SEMA3A: variants seen among roughly 807,000 people sequenced by gnomAD.
SEMA3A encodes semaphorin 3A, also known as semaphorin-3A.
SEMA3A carries 29 observed loss-of-function variants against 97.9 expected under a neutral mutation model. The ratio of observed to expected loss-of-function variants is 0.30; its 90% CI spans 0.22 to 0.40. SEMA3A has a LOEUF of 0.40. SEMA3A is among the 10% of genes least tolerant of loss of function. The pLI is 1.00. For missense variants in SEMA3A, 763 were observed against 951.3 expected (o/e 0.80, Z 2.60); for synonymous variants, 321 against 323.7 (o/e 0.99, Z 0.09).
chr7:84,065,006 C>G (rs1380223722), intron 4 of SEMA3A, among the ~76,000 whole-genome samples: 1 of 152,030 alleles, frequency 6.6e-6, no homozygotes, highest in Non-Finnish European at 1.5e-5. Flanking sequence ...CAAAATTGAC[C>G]ACATACTTGG....
At chr7:84,222,119 C>T (rs1798896827) in intron 3 of SEMA3A, among the ~76,000 whole-genome samples, 1 of 151,952 alleles carries the variant, frequency 6.6e-6, no homozygotes, top group African/African-American at 2.4e-5. Context: ...GATAGCAAGA[C>T]ATATGCCAAG....
At chr7:84,268,156 T>A (rs771842041) in intron 3 of SEMA3A, among the ~76,000 whole-genome samples, 23 of 152,016 alleles carry the variant, frequency 1.5e-4, no homozygotes, top group Non-Finnish European at 1.6e-4. Context: ...ACAATGGATA[T>A]GGTACCTTTT....
At chr7:84,047,422 A>C (rs550350800) in intron 5 of SEMA3A, among the ~76,000 whole-genome samples, 1 of 152,158 alleles carries the variant, frequency 6.6e-6, no homozygotes, top group Non-Finnish European at 1.5e-5. Flanking sequence ...TTTACAGTTC[A>C]AGAAATTCAA....
chr7:84,337,561 A>G (rs1802067420), intron 2 of SEMA3A, among the ~76,000 whole-genome samples: 1 of 152,164 alleles, frequency 6.6e-6, no homozygotes, highest in African/African-American at 2.4e-5. Context: ...GCATTGAGTC[A>G]TAATTAGCTC....
intron 2 of SEMA3A, among the ~76,000 whole-genome samples, chr7:84,312,872 TTATA>T (rs377261705): frequency 0.043 from 2,076 of 48,232 alleles, 53 homozygotes; most frequent in Admixed American, 0.051. Flanking sequence ...TGGTGTTGTT[TTATA>T]TATATATATA....
intron 1 of SEMA3A, among the ~76,000 whole-genome samples, chr7:84,475,516 C>T (rs972462089): frequency 2.6e-5 from 4 of 152,146 alleles, no homozygotes; most frequent in East Asian, 3.9e-4. Context: ...ACGTTTTACA[C>T]GCTCACCTAA....
At chr7:84,022,398 C>G (rs1791361943) in intron 6 of SEMA3A, among the ~76,000 whole-genome samples, 1 of 152,138 alleles carries the variant, frequency 6.6e-6, no homozygotes, top group South Asian at 2.1e-4. Context: ...TCTTTTTAAA[C>G]CTGTGTCCTG....
At chr7:84,002,843 TAA>T (rs1790516957) in intron 11 of SEMA3A, among the ~76,000 whole-genome samples, 1 of 152,198 alleles carries the variant, frequency 6.6e-6, no homozygotes, top group Non-Finnish European at 1.5e-5. Context: ...TTTGCATTGT[TAA>T]AAGAGACAAC....
chr7:84,280,979 T>C (rs1452612708), intron 3 of SEMA3A, among the ~76,000 whole-genome samples: 3 of 152,270 alleles, frequency 2.0e-5, no homozygotes, highest in Non-Finnish European at 4.4e-5. Flanking sequence ...TTATAAACGA[T>C]ATACTTCTTT....
chr7:84,216,284 T>G (rs1291004452), intron 3 of SEMA3A, among the ~76,000 whole-genome samples: 4 of 152,070 alleles, frequency 2.6e-5, no homozygotes, highest in Non-Finnish European at 5.9e-5. Context: ...TTTTTGTATT[T>G]TTAGTAGAGA....
chr7:84,340,224 C>T lies in SEMA3A; in HGVS notation c.-169+31600G>A, dbSNP rs189739585. ...CTTAAGAGGAAATTTGAGAAGGTGA[C>T]ATTTTCCTGGGTAGATTTTAAAATA... On this transcript the variant is annotated intron_variant, in intron 2 of 3. Coordinates refer to the SEMA3A transcript ENST00000424555. Among the ~76,000 whole-genome samples, 240 of 152,156 alleles carry T rather than the reference C, an allele frequency of 1.6e-3. 2 individuals are homozygous for T. Among genetic ancestry groups the T allele is most frequent in the African/African-American group, 5.4e-3 (225 of 41,526 alleles).
At chr7:84,084,379 T>G (rs1364619041) in intron 4 of SEMA3A, among the ~76,000 whole-genome samples, 1 of 151,994 alleles carries the variant, frequency 6.6e-6, no homozygotes, top group Non-Finnish European at 1.5e-5. Flanking sequence ...TTACGAAATA[T>G]AGCAGGGGTG....
chr7:84,238,115 A>C (rs961822291), intron 3 of SEMA3A, among the ~76,000 whole-genome samples: 1 of 151,634 alleles, frequency 6.6e-6, no homozygotes, highest in African/African-American at 2.4e-5. Context: ...TGTCACCCAG[A>C]CTGGAGTGCA....
At chr7:84,108,537 T>C (rs951267571) in intron 4 of SEMA3A, among the ~76,000 whole-genome samples, 5 of 152,126 alleles carry the variant, frequency 3.3e-5, no homozygotes, top group African/African-American at 1.2e-4. Context: ...GCTCCACAGC[T>C]AGTAAGTTGT....
intron 4 of SEMA3A, among the ~76,000 whole-genome samples, chr7:84,066,941 C>CA (rs1368864642): frequency 1.3e-5 from 2 of 151,872 alleles, no homozygotes; most frequent in African/African-American, 4.8e-5. Flanking sequence ...CATATGGAAC[C>CA]AAAAAAGAGC....
intron 3 of SEMA3A, among the ~76,000 whole-genome samples, chr7:84,210,425 A>C (rs1798599411): frequency 6.6e-6 from 1 of 152,200 alleles, no homozygotes; most frequent in Non-Finnish European, 1.5e-5. Flanking sequence ...AAGTAAAAAA[A>C]GCCATAAAAT....
chr7:84,276,423 C>A (rs1800299269), intron 3 of SEMA3A, among the ~76,000 whole-genome samples: 1 of 151,950 alleles, frequency 6.6e-6, no homozygotes. Flanking sequence ...ATATATATAG[C>A]ATATGTTTTT....
At chr7:84,294,126 T>A (rs1414344810) in intron 3 of SEMA3A, among the ~76,000 whole-genome samples, 3 of 151,970 alleles carry the variant, frequency 2.0e-5, no homozygotes, top group Admixed American at 6.6e-5. Context: ...TTTGGAGGGT[T>A]TTTTACTTCT....
intron 1 of SEMA3A, among the ~76,000 whole-genome samples, chr7:84,424,769 T>A (rs1804730678): frequency 9.9e-6 from 1 of 101,314 alleles, no homozygotes. Flanking sequence ...TATTTAGATA[T>A]AAATATATAA....
Sources: gnomAD v4.1 joint callset for allele counts (sites outside exome capture counted in the v4.1 genomes callset) on GRCh38, gnomAD v4.1.1 for gene constraint, MANE v1.5 for transcripts, NCBI Gene and HGNC (gene_info 2026-07-23, HGNC 2026-07-21) for gene names.